NOS1: variants seen among roughly 807,000 people sequenced by gnomAD.
The protein encoded by NOS1 is NOS type I.
NOS1 carries 51 observed loss-of-function variants against 164.5 expected under a neutral mutation model. The ratio of observed to expected loss-of-function variants is 0.31; its 90% CI spans 0.25 to 0.39. The LOEUF (loss-of-function observed/expected upper bound fraction) is 0.39, where lower values mean the gene tolerates loss of function less well. NOS1 is among the 10% of genes least tolerant of loss of function. NOS1 has a pLI of 1.00. For missense variants in NOS1, 1,362 were observed against 1,885.6 expected, an observed-to-expected ratio of 0.72 and a Z score of 5.14; for synonymous variants, 719 against 745.8, an observed-to-expected ratio of 0.96 and a Z score of 0.59.
chr12:117,255,876 G>T, intron 16 of NOS1: 1 of 1,035,380 alleles, frequency 9.7e-7, no homozygotes, highest in Non-Finnish European at 1.3e-6. Flanking sequence ...GGATGCTCAG[G>T]CATTGGGTGT....
At position 117,291,529 on chromosome 12, in the gene NOS1, C is replaced by CTTTTTTTT. The variant is rs565345654; in HGVS notation, c.853-1111_853-1104dup. On this transcript the variant is annotated intron_variant, in intron 3 of 28. Transcript: ENST00000317775. ...CCTCACTGATAAGGATTACATCTGT[C>CTTTTTTTT]TTTTTTTTTTTTTTTTTTTTTTGAG... Among the ~76,000 whole-genome samples the CTTTTTTTT allele has an allele frequency of 3.2e-3, 311 of 97,376 alleles. 17 individuals carry two copies. Among genetic ancestry groups the CTTTTTTTT allele is most frequent in the Non-Finnish European group, 5.1e-3 (259 of 51,248 alleles). The allele number at this position is 97,376 out of a possible 152,430, so 63.9% of individuals were successfully genotyped here. A position where few individuals can be genotyped will look rare whatever the true frequency, so the allele number is the denominator to read the frequency against.
chr12:117,310,096 T>C (rs1305194896), intron 3 of NOS1, among the ~76,000 whole-genome samples: 2 of 152,080 alleles, frequency 1.3e-5, no homozygotes, highest in African/African-American at 2.4e-5. Context: ...TTTTTAGAGA[T>C]AGGGTTTTGC....
chr12:117,330,110 C>T lies in NOS1; in HGVS notation c.725+235G>A, dbSNP rs979440785. 6.6e-6 allele frequency among the ~76,000 whole-genome samples: 1 copy of T among 152,204 alleles called. No individual in the cohort carries two copies. Among genetic ancestry groups the T allele is most frequent in the Non-Finnish European group, 1.5e-5 (1 of 68,046 alleles). On this transcript the variant is annotated intron_variant, in intron 2 of 28. Coordinates refer to ENST00000317775, the MANE Select transcript of NOS1 (RefSeq NM_000620.5). The surrounding 1 kb of genome is among the most constrained non-coding windows in gnomAD (Gnocchi z 4.6). ...CTGTCTGCTACCATGATGATTAATT[C>T]GCTCTGGGTTTTGTGACAAGAGAAG...
intron 3 of NOS1, among the ~76,000 whole-genome samples, chr12:117,297,982 C>T (rs527326188): frequency 4.6e-5 from 7 of 152,008 alleles, no homozygotes; most frequent in Admixed American, 1.3e-4. Flanking sequence ...CACCAGGGAT[C>T]GGTTTTGTGG....
At chr12:117,259,174 G>C (rs1410639992) in intron 14 of NOS1, 44 bp from the exon 15 acceptor site, 2 of 1,326,530 alleles carry the variant, frequency 1.5e-6, no homozygotes, top group African/African-American at 2.9e-5. Context: ...GAGGAAGAAG[G>C]GGATGAGGAG....
chr12:117,357,262 C>T (rs1876899516), intron 1 of NOS1, among the ~76,000 whole-genome samples: 1 of 152,082 alleles, frequency 6.6e-6, no homozygotes, highest in African/African-American at 2.4e-5. Flanking sequence ...GGTCGAAGCC[C>T]CTTCCCTCTG....
rs1388148458 is a variant in NOS1, at chr12:117,290,289, G to T, written c.981+9C>A. 1 of 1,613,884 alleles carries T rather than the reference G, an allele frequency of 6.2e-7. No individual in the cohort carries two copies. The highest frequency in any genetic ancestry group is 8.5e-7 in the Non-Finnish European group (1 of 1,179,932). The stretch of plus-strand genomic sequence containing the variant: ...CACCCTCTCATCTACACCCTGCTGG[G>T]ATACTTACCAATGTGCTCTTAAGGT... On this transcript the variant is annotated intron_variant, in intron 4 of 28. Coordinates refer to ENST00000317775, the MANE Select transcript of NOS1 (RefSeq NM_000620.5).
chr12:117,271,078 G>A (rs904740034), intron 10 of NOS1, among the ~76,000 whole-genome samples: 1 of 151,784 alleles, frequency 6.6e-6, no homozygotes, highest in African/African-American at 2.4e-5. Context: ...AAAGAAAAAA[G>A]TTTGCATTGC....
chr12:117,235,276 G>C lies in NOS1; in HGVS notation c.3042-518C>G, dbSNP rs145888556. ...CAGTGAACTCCTCACTGCAAATCCA[G>C]TGGCTGGTTCCTAGGGTTCATCTGG... On this transcript the variant is annotated intron_variant, in intron 20 of 28. Coordinates refer to ENST00000317775, the MANE Select transcript of NOS1 (RefSeq NM_000620.5). Among the ~76,000 whole-genome samples the C allele has an allele frequency of 9.6e-4, 146 of 152,252 alleles. 1 individual carries two copies. The highest frequency in any genetic ancestry group is 3.3e-3 in the African/African-American group (139 of 41,542).
Position 117,305,014 on chromosome 12 carries a change from T to G in NOS1, c.852+6452A>C, listed in dbSNP as rs976519395. Reference sequence around the variant, plus strand: ...TTTTGCCCAGTCCTTGGCAGTTGCTTTGCTGCCCTGCCCAGCCATTTCTCA... The same window carrying G: ...TTTTGCCCAGTCCTTGGCAGTTGCTGTGCTGCCCTGCCCAGCCATTTCTCA... On this transcript the variant is annotated intron_variant, in intron 3 of 28. Coordinates refer to ENST00000317775, the MANE Select transcript of NOS1 (RefSeq NM_000620.5). 33 of 985,410 alleles carry G rather than the reference T, an allele frequency of 3.3e-5. No homozygotes were observed. The African/African-American group carries it at 5.8e-4, about 17-fold the overall frequency. The allele number at this position is 985,410 out of a possible 1,614,324, so 61.0% of individuals were successfully genotyped here. A position where few individuals can be genotyped will look rare whatever the true frequency, so the allele number is the denominator to read the frequency against.
chr12:117,262,401 G>A (rs1015662669), intron 13 of NOS1, among the ~76,000 whole-genome samples: 1 of 146,338 alleles, frequency 6.8e-6, no homozygotes, highest in Non-Finnish European at 1.5e-5. Flanking sequence ...GGATTAGGGT[G>A]GAAGGAGAGA....
chr12:117,330,740 G>T lies in NOS1; in HGVS notation c.330C>A (p.Thr110=). The part of the protein sequence containing the change: ...PEGFTTHLET[T]FTGDGTPKTI... ...TCTTGGGGGTCCCATCACCTGTAAA[G>T]GTGGTCTCCAGGTGCGTGGTGAAAC... The change falls in exon 2 of 29, where the codon ACC becomes ACA. Residue 110 remains threonine (T), a synonymous_variant. Coordinates refer to ENST00000317775, the MANE Select transcript of NOS1 (RefSeq NM_000620.5). The surrounding 1 kb of genome is among the most constrained non-coding windows in gnomAD (Gnocchi z 4.6). The T allele has an allele frequency of 1.9e-6, 3 of 1,614,062 alleles. No individual in the cohort carries two copies. The highest frequency in any genetic ancestry group is 2.5e-6 in the Non-Finnish European group (3 of 1,179,978).
chr12:117,293,811 C>T (rs938703063), intron 3 of NOS1, among the ~76,000 whole-genome samples: 14 of 152,056 alleles, frequency 9.2e-5, no homozygotes, highest in Non-Finnish European at 8.8e-5. Flanking sequence ...AAGGTTTGGG[C>T]GAGTTCTTTC....
rs144747529 is a variant in NOS1, at chr12:117,312,642, C to T, written c.726-1050G>A. Among the ~76,000 whole-genome samples the T allele has an allele frequency of 1.2e-3, 178 of 151,868 alleles. 2 individuals carry two copies. The highest frequency in any genetic ancestry group is 4.1e-3 in the African/African-American group (169 of 41,414). ...CTCACTGTGTTGCCCAGGCTGGTCTCGAACTCCTTGGTTCAAGTGGTCCTC... is the reference window on the plus strand; with the variant it reads ...CTCACTGTGTTGCCCAGGCTGGTCTTGAACTCCTTGGTTCAAGTGGTCCTC... On this transcript the variant is annotated intron_variant, in intron 2 of 28. Coordinates refer to ENST00000317775, the MANE Select transcript of NOS1 (RefSeq NM_000620.5).
chr12:117,258,555 T>A, intron 15 of NOS1, 100 bp from the exon 16 acceptor site: 5 of 1,227,126 alleles, frequency 4.1e-6, no homozygotes, highest in Non-Finnish European at 1.2e-6. Context: ...AAGAGGAGAC[T>A]GATGCCCGGA....
chr12:117,286,418 G>A (rs996026157), intron 5 of NOS1, 152 bp from the exon 6 acceptor site: 12 of 786,738 alleles, frequency 1.5e-5, no homozygotes, highest in Non-Finnish European at 2.0e-5. Context: ...GCAAGATAAA[G>A]CAGACACTGT....
chr12:117,297,490 C>G (rs1055284321), intron 3 of NOS1, among the ~76,000 whole-genome samples: 1 of 152,134 alleles, frequency 6.6e-6, no homozygotes, highest in Non-Finnish European at 1.5e-5. Context: ...CTCATGGGTT[C>G]AAATGATTCT....
At chr12:117,327,497 C>G (rs1384400164) in intron 2 of NOS1, among the ~76,000 whole-genome samples, 1 of 152,190 alleles carries the variant, frequency 6.6e-6, no homozygotes, top group Non-Finnish European at 1.5e-5. Flanking sequence ...GACCCATGGG[C>G]AGTGGCAGCT....
Position 117,306,145 on chromosome 12 carries a change from G to A in NOS1, c.852+5321C>T, listed in dbSNP as rs138898542. Among the ~76,000 whole-genome samples, 78 of 152,178 alleles carry A rather than the reference G, an allele frequency of 5.1e-4. 1 individual carries two copies. In the East Asian group the frequency reaches 0.012, roughly 24 times the overall value. On this transcript the variant is annotated intron_variant, in intron 3 of 28. Transcript: ENST00000317775. ...CAAATCCTACATTAAGGATTTGATG[G>A]TGGGCAAAGACGAACGTAAATCCCA... is the stretch of plus-strand genomic sequence containing the variant.
Sources: allele counts gnomAD v4.1 joint callset (sites outside exome capture counted in the v4.1 genomes callset), GRCh38; gene constraint gnomAD v4.1.1; non-coding constraint Gnocchi (gnomAD v3.1); transcripts MANE v1.5; gene names NCBI Gene and HGNC (gene_info 2026-07-23, HGNC 2026-07-21).